Variants in TENM2 observed in about 807,000 individuals in gnomAD.
The protein encoded by TENM2 is teneurin-2.
A neutral mutation model predicts 245.2 loss-of-function variants in TENM2; 52 were observed. The observed-to-expected ratio is 0.21, with a 90% CI of 0.17 to 0.27. TENM2 has a LOEUF of 0.27. Ranked by LOEUF, TENM2 falls within the 10% of genes least tolerant of loss-of-function variation. TENM2 has a pLI of 1.00. For synonymous variants in TENM2, 1,363 were observed against 1,438.9 expected (o/e 0.95, Z 1.19); for missense variants, 3,046 against 3,666.8 (o/e 0.83, Z 4.37).
At chr5:167,996,673 A>G (rs182284043) in intron 5 of TENM2, among the ~76,000 whole-genome samples, 15 of 152,288 alleles carry the variant, frequency 9.8e-5, no homozygotes, top group Non-Finnish European at 1.8e-4. Flanking sequence ...CACTAGTTAG[A>G]ACCTTCTACC....
chr5:168,127,943 C>A (rs933310982), intron 12 of TENM2, among the ~76,000 whole-genome samples: 2 of 152,208 alleles, frequency 1.3e-5, no homozygotes, highest in Admixed American at 6.5e-5. Context: ...TCTGTCCCTG[C>A]CTAACAACCC....
chr5:167,913,134 G>C (rs1297550217), intron 3 of TENM2, among the ~76,000 whole-genome samples: 1 of 152,140 alleles, frequency 6.6e-6, no homozygotes, highest in South Asian at 2.1e-4. Context: ...CCATGGGGGC[G>C]CTCACCCAAG....
At chr5:167,335,364 C>T (rs1488237009) in intron 1 of TENM2, among the ~76,000 whole-genome samples, 2 of 152,202 alleles carry the variant, frequency 1.3e-5, no homozygotes, top group African/African-American at 4.8e-5. Context: ...AATCACCTCC[C>T]ACCAGGCCTG....
chr5:167,067,083 G>T, the TENM2 span, among the ~76,000 whole-genome samples: 3 of 152,102 alleles, frequency 2.0e-5, no homozygotes, highest in African/African-American at 7.2e-5. Flanking sequence ...TTCTAGGCAT[G>T]CAATAAACAA....
the TENM2 span, among the ~76,000 whole-genome samples, chr5:167,012,781 CAA>C: frequency 6.6e-6 from 1 of 152,074 alleles, no homozygotes; most frequent in African/African-American, 2.4e-5. Flanking sequence ...TTTTTTTCCA[CAA>C]AGGCTGTCCC....
intron 9 of TENM2, among the ~76,000 whole-genome samples, chr5:168,110,001 T>C (rs1390620508): frequency 6.7e-6 from 1 of 149,572 alleles, no homozygotes; most frequent in Non-Finnish European, 1.5e-5. Context: ...CCGTCAGCCC[T>C]CCCCCAAGTT....
intron 3 of TENM2, among the ~76,000 whole-genome samples, chr5:167,916,681 G>C (rs1415095037): frequency 6.6e-6 from 1 of 152,096 alleles, no homozygotes; most frequent in Non-Finnish European, 1.5e-5. Flanking sequence ...AGACGCCTGT[G>C]AGCAGAGCTC....
chr5:167,772,990 A>G (rs1302599729), intron 2 of TENM2, among the ~76,000 whole-genome samples: 4 of 152,206 alleles, frequency 2.6e-5, no homozygotes, highest in African/African-American at 9.6e-5. Context: ...AAAAGATGCT[A>G]TATTGTTTCA....
chr5:167,648,825 G>C (rs1381395139), intron 2 of TENM2, among the ~76,000 whole-genome samples: 1 of 152,132 alleles, frequency 6.6e-6, no homozygotes, highest in Non-Finnish European at 1.5e-5. Flanking sequence ...CAGTTTGAAG[G>C]CTCTGTTCTC....
At chr5:167,041,453 C>T in the TENM2 span, among the ~76,000 whole-genome samples, 3 of 152,276 alleles carry the variant, frequency 2.0e-5, no homozygotes, top group Admixed American at 2.0e-4. Flanking sequence ...TGTTGATTCC[C>T]TTGACTATGA....
chr5:167,187,014 C>T, the TENM2 span, among the ~76,000 whole-genome samples: 2 of 152,184 alleles, frequency 1.3e-5, no homozygotes, highest in Non-Finnish European at 2.9e-5. Context: ...CCTCTCCACC[C>T]GCCATGTCTT....
chr5:167,807,624 TAAAAA>T (rs11287928), intron 2 of TENM2, among the ~76,000 whole-genome samples: 73,197 of 149,574 alleles, frequency 0.49, 19,012 homozygotes, highest in Non-Finnish European at 0.6. Flanking sequence ...GCATTTTTTT[TAAAAA>T]AAAAAAAAAA....
At chr5:167,341,049 C>G (rs1251198602) in intron 1 of TENM2, among the ~76,000 whole-genome samples, 2 of 151,990 alleles carry the variant, frequency 1.3e-5, no homozygotes, top group Non-Finnish European at 2.9e-5. Flanking sequence ...TGACACCCTA[C>G]AGATTCGCAT....
chr5:167,753,935 C>T (rs1271671884), intron 2 of TENM2, among the ~76,000 whole-genome samples: 1 of 152,142 alleles, frequency 6.6e-6, no homozygotes, highest in Non-Finnish European at 1.5e-5. Context: ...CTCCGTCAGT[C>T]ATTCTGCTGT....
At chr5:167,112,969 G>C in the TENM2 span, among the ~76,000 whole-genome samples, 4 of 152,138 alleles carry the variant, frequency 2.6e-5, no homozygotes, top group Admixed American at 1.3e-4. Flanking sequence ...GAGAAAGATA[G>C]TGTTCTTTGG....
intron 2 of TENM2, among the ~76,000 whole-genome samples, chr5:167,768,272 T>C (rs1457625247): frequency 6.6e-6 from 1 of 152,156 alleles, no homozygotes; most frequent in African/African-American, 2.4e-5. Context: ...TATGTGATGA[T>C]TACATGCTAT....
At chr5:167,777,386 T>C (rs551840450) in intron 2 of TENM2, among the ~76,000 whole-genome samples, 28 of 152,388 alleles carry the variant, frequency 1.8e-4, no homozygotes, top group Non-Finnish European at 2.9e-4. Flanking sequence ...AGCAAATTAT[T>C]CATTTAATTA....
At chr5:167,432,761 C>T (rs965911624) in intron 2 of TENM2, among the ~76,000 whole-genome samples, 15 of 151,900 alleles carry the variant, frequency 9.9e-5, no homozygotes, top group Admixed American at 7.2e-4. Context: ...TCATTTCCAC[C>T]GCACATCTGA....
At chr5:168,095,011 C>T (rs562077828) in intron 8 of TENM2, among the ~76,000 whole-genome samples, 2 of 151,222 alleles carry the variant, frequency 1.3e-5, no homozygotes, top group South Asian at 4.2e-4. Context: ...TGTCTCCCAT[C>T]ACCCCTAGAT....
Sources: allele counts gnomAD v4.1 joint callset (sites outside exome capture counted in the v4.1 genomes callset), GRCh38; gene constraint gnomAD v4.1.1; transcripts MANE v1.5; gene names NCBI Gene and HGNC (gene_info 2026-07-23, HGNC 2026-07-21).